DPYD: variants seen among roughly 807,000 people sequenced by gnomAD.
DPYD encodes the protein dihydropyrimidine dehydrogenase [NADP(+)].
DPYD carries 109 observed loss-of-function variants against 116.2 expected under a neutral mutation model. That is an observed-to-expected ratio of 0.94 (90% CI 0.80 to 1.10). The LOEUF (loss-of-function observed/expected upper bound fraction) is 1.10, where lower values mean the gene tolerates loss of function less well. Ranked by LOEUF, DPYD falls within the 50% of genes least tolerant of loss-of-function variation. DPYD has a pLI of 0.00. For missense variants in DPYD, 1,302 were observed against 1,254.5 expected (o/e 1.04, Z -0.57); for synonymous variants, 440 against 432.0 (o/e 1.02, Z -0.23).
intron 13 of DPYD, among the ~76,000 whole-genome samples, chr1:97,477,731 C>A (rs1570800155): frequency 6.6e-6 from 1 of 151,442 alleles, no homozygotes; most frequent in Non-Finnish European, 1.5e-5. Context: ...CGCCATTCTC[C>A]TGCCTCAGCC....
chr1:97,157,919 T>C (rs1570571051), intron 20 of DPYD, among the ~76,000 whole-genome samples: 1 of 152,130 alleles, frequency 6.6e-6, no homozygotes, highest in East Asian at 1.9e-4. Flanking sequence ...ATAAGATTCT[T>C]TACAATGAGC....
intron 15 of DPYD, among the ~76,000 whole-genome samples, chr1:97,379,191 A>C (rs2101548334): frequency 6.6e-6 from 1 of 152,254 alleles, no homozygotes; most frequent in South Asian, 2.1e-4. Flanking sequence ...TGAGTTGGGA[A>C]CGTGTTGGAG....
intron 16 of DPYD, among the ~76,000 whole-genome samples, chr1:97,369,156 T>C (rs1671188384): frequency 6.6e-6 from 1 of 152,214 alleles, no homozygotes; most frequent in South Asian, 2.1e-4. Flanking sequence ...GGTGTCATTT[T>C]GGCTGAATTT....
intron 20 of DPYD, among the ~76,000 whole-genome samples, chr1:97,156,435 C>CCCCATCAAAAAGTGGGCAA (rs1655464376): frequency 6.6e-6 from 1 of 152,008 alleles, no homozygotes; most frequent in Admixed American, 6.6e-5. Context: ...AAACAAACAA[C>CCCCATCAAAAAGTGGGCAA]CCCATCAAAA....
At chr1:97,432,605 A>G (rs1675246226) in intron 14 of DPYD, among the ~76,000 whole-genome samples, 1 of 151,882 alleles carries the variant, frequency 6.6e-6, no homozygotes, top group African/African-American at 2.4e-5. Flanking sequence ...GACCACTCTC[A>G]AGAATATTCT....
intron 20 of DPYD, among the ~76,000 whole-genome samples, chr1:97,134,095 A>T (rs1488314269): frequency 3.6e-5 from 5 of 137,734 alleles, no homozygotes; most frequent in Non-Finnish European, 6.1e-5. Context: ...AGAGACTGTT[A>T]AGGTGTAAGT....
At chr1:97,632,842 G>A (rs945958941) in intron 8 of DPYD, among the ~76,000 whole-genome samples, 4 of 152,004 alleles carry the variant, frequency 2.6e-5, no homozygotes, top group African/African-American at 7.2e-5. Flanking sequence ...TTTAAAAGAC[G>A]AAAATTAGAC....
chr1:97,606,607 G>A (rs1054986944), intron 8 of DPYD, among the ~76,000 whole-genome samples: 5 of 151,852 alleles, frequency 3.3e-5, no homozygotes, highest in African/African-American at 9.7e-5. Flanking sequence ...AGCAAAATGC[G>A]AAATTTGACA....
At chr1:97,472,970 T>C (rs1449071656) in intron 13 of DPYD, among the ~76,000 whole-genome samples, 2 of 152,196 alleles carry the variant, frequency 1.3e-5, no homozygotes, top group South Asian at 4.1e-4. Context: ...GCCTTTGTTT[T>C]TTTGTGGTGA....
At chr1:97,390,127 G>A (rs143216826) in intron 14 of DPYD, among the ~76,000 whole-genome samples, 1 of 152,108 alleles carries the variant, frequency 6.6e-6, no homozygotes, top group Admixed American at 6.6e-5. Flanking sequence ...ATTGACTTCA[G>A]GTCTATGCTT....
intron 20 of DPYD, among the ~76,000 whole-genome samples, chr1:97,164,609 C>T (rs1326114575): frequency 6.6e-6 from 1 of 152,144 alleles, no homozygotes; most frequent in African/African-American, 2.4e-5. Flanking sequence ...GCACAAAAAT[C>T]ACAAGCATTC....
chr1:97,538,336 T>C lies in DPYD; in HGVS notation c.1524+11224A>G, dbSNP rs143001872. ...GGCATGAATTTGTCTCCACTAGGTCTTGAAATCACACATTCATTTCACATA... is the reference window on the plus strand; with the variant it reads ...GGCATGAATTTGTCTCCACTAGGTCCTGAAATCACACATTCATTTCACATA... On this transcript the variant is annotated intron_variant, in intron 12 of 22. Coordinates refer to ENST00000370192, the MANE Select transcript of DPYD (RefSeq NM_000110.4). 8.1e-4 allele frequency among the ~76,000 whole-genome samples: 123 copies of C among 152,294 alleles called. 1 individual carries two copies. Among genetic ancestry groups the C allele is most frequent in the East Asian group, 7.1e-3 (37 of 5,180 alleles).
intron 14 of DPYD, 28 bp from the exon 15 acceptor site, chr1:97,382,489 A>C (rs969016156): frequency 1.4e-6 from 2 of 1,382,266 alleles, no homozygotes; most frequent in Admixed American, 1.8e-5. Flanking sequence ...AAAGAATATA[A>C]GTTCAAGTAG....
chr1:97,464,238 CAAAATAAAATAAAATAAAATAAAAT>C (rs145868186), intron 13 of DPYD, among the ~76,000 whole-genome samples: 1,689 of 138,690 alleles, frequency 0.012, 17 homozygotes, highest in Admixed American at 0.034. Flanking sequence ...GACTCTGTCT[CAAAATAAAATAAAATAAAATAAAAT>C]AAAATAAAAT....
chr1:97,180,788 A>G (rs907683609), intron 20 of DPYD, among the ~76,000 whole-genome samples: 1 of 152,192 alleles, frequency 6.6e-6, no homozygotes, highest in East Asian at 1.9e-4. Flanking sequence ...TGAATGTGAC[A>G]AAAGAAGTAA....
chr1:97,237,052 C>T (rs145955111), intron 18 of DPYD, among the ~76,000 whole-genome samples: 1 of 151,762 alleles, frequency 6.6e-6, no homozygotes, highest in Non-Finnish European at 1.5e-5. Context: ...CCAGCCTGGC[C>T]AACATGGTAA....
chr1:97,103,066 T>C (rs1475581073), intron 20 of DPYD, among the ~76,000 whole-genome samples: 1 of 152,070 alleles, frequency 6.6e-6, no homozygotes, highest in African/African-American at 2.4e-5. Context: ...TGTTTCATTA[T>C]CTATAAAATG....
intron 10 of DPYD, among the ~76,000 whole-genome samples, chr1:97,574,967 A>C (rs1653168697): frequency 6.6e-6 from 1 of 152,184 alleles, no homozygotes; most frequent in South Asian, 2.1e-4. Flanking sequence ...CTGAGACATA[A>C]AATAATTAAC....
chr1:97,478,075 A>T (rs1678086542), intron 13 of DPYD, among the ~76,000 whole-genome samples: 3 of 152,182 alleles, frequency 2.0e-5, no homozygotes, highest in Non-Finnish European at 4.4e-5. Context: ...TGCAGAATGG[A>T]TATGTGTTAG....
Sources: gnomAD v4.1 joint callset for allele counts (sites outside exome capture counted in the v4.1 genomes callset) on GRCh38, gnomAD v4.1.1 for gene constraint, MANE v1.5 for transcripts, NCBI Gene and HGNC (gene_info 2026-07-23, HGNC 2026-07-21) for gene names.